Variants in C1RL observed in about 807,000 individuals in gnomAD.
The protein encoded by C1RL is complement C1r subcomponent like.
Under a neutral mutation model 27.9 loss-of-function variants are expected in C1RL, and 27 were observed. The observed-to-expected ratio is 0.97, with a 90% CI of 0.71 to 1.33. The LOEUF is 1.33. Among genes scored for constraint, C1RL ranks in the 40% most tolerant of loss-of-function variants. The pLI, the probability that C1RL is intolerant of heterozygous loss-of-function variation, is 0.00. For missense variants in C1RL, 563 were observed against 623.9 expected (o/e 0.90, Z 1.04); for synonymous variants, 248 against 252.1 (o/e 0.98, Z 0.15).
rs1398997201 is a variant in C1RL, at chr12:7,095,149, G to A, written c.*1242C>T. 9 of 1,232,766 alleles carry A rather than the reference G, an allele frequency of 7.3e-6. No individual in the cohort carries two copies. The East Asian group carries it at 5.8e-4, about 79-fold the overall frequency. The allele number at this position is 1,232,766 out of a possible 1,614,324, so 76.4% of individuals were successfully genotyped here. On this transcript the variant is annotated 3_prime_UTR_variant, in exon 6 of 6. Coordinates refer to ENST00000266542, the MANE Select transcript of C1RL (RefSeq NM_016546.4). ...TTTTTTTGGGGGGGATGAAGTCTTG[G>A]TCTGTCCGCAGGCTGGAGTGCAGTG...
chr12:7,095,603 A>G lies in C1RL; in HGVS notation c.*788T>C, dbSNP rs1448464350. The G allele has an allele frequency of 2.0e-6, 2 of 985,832 alleles. No homozygotes were observed. The highest frequency in any genetic ancestry group is 6.1e-5 in the Admixed American group (1 of 16,294). 61.1% of individuals were successfully genotyped at this position (985,832 alleles called of 1,614,324 possible). The stretch of plus-strand genomic sequence containing the variant: ...GGATACCATTTTCGCAGAAGCAGGA[A>G]TTCCCAGGGAGGGAAAATGGTAAGG... On this transcript the variant is annotated 3_prime_UTR_variant, in exon 6 of 6. Transcript: ENST00000266542.
chr12:7,108,736 T>C (rs970785511), intron 1 of C1RL: 11 of 567,322 alleles, frequency 1.9e-5, no homozygotes, highest in Admixed American at 3.3e-5. Flanking sequence ...TCACCTTTGC[T>C]CATCTCCCAG....
intron 1 of C1RL, chr12:7,108,837 G>C: frequency 1.8e-6 from 1 of 556,502 alleles, no homozygotes; most frequent in Non-Finnish European, 3.2e-6. Context: ...GGGCGAGTGA[G>C]GGTCTGCCGT....
chr12:7,101,871 C>T (rs770347813), intron 3 of C1RL, 27 bp downstream of exon 3: 2 of 1,610,996 alleles, frequency 1.2e-6, no homozygotes, highest in East Asian at 2.2e-5. Flanking sequence ...GAGGCTCCCT[C>T]CCTGCACCCC....
At chr12:7,108,623 G>A in intron 1 of C1RL, 144 bp from the exon 2 acceptor site, 3 of 634,188 alleles carry the variant, frequency 4.7e-6, no homozygotes, top group Non-Finnish European at 5.4e-6. Context: ...TGAGGCCCGG[G>A]CACTTCCCGT....
At position 7,099,955 on chromosome 12, in the gene C1RL, G is replaced by C. The variant is rs746832090; in HGVS notation, c.562C>G (p.Pro188Ala). The change falls in exon 4 of 6, where the codon CCT becomes GCT. Residue 188 changes from proline (P) to alanine (A), a missense_variant. By Grantham distance (27) the Pro-to-Ala change is conservative. Transcript: ENST00000266542. The part of the protein sequence containing the change: ...SEAINAPGDN[P>A]AKVQNHCQEP... ...TGGCAGTGGTTCTGGACCTTGGCAG[G>C]GTTGTCTCCAGGTGCGTTGATGGCC... 1.2e-6 allele frequency: 2 copies of C among 1,613,908 alleles called. No individual in the cohort carries two copies. Among genetic ancestry groups the C allele is most frequent in the South Asian group, 1.1e-5 (1 of 91,066 alleles).
At chr12:7,102,574 G>A (rs744141) in intron 2 of C1RL, among the ~76,000 whole-genome samples, 1 of 151,966 alleles carries the variant, frequency 6.6e-6, no homozygotes, top group Non-Finnish European at 1.5e-5. Flanking sequence ...TTCCACTTCT[G>A]TGAGTAACTT....
chr12:7,102,217 A>G (rs1374592033), intron 2 of C1RL, 130 bp from the exon 3 acceptor site: 1 of 869,282 alleles, frequency 1.2e-6, no homozygotes, highest in African/African-American at 1.7e-5. Flanking sequence ...GGGGCTCAGA[A>G]GGCACCTCAC....
Position 7,096,869 on chromosome 12 carries a change from CG to C in C1RL, c.985del (p.Arg329ValfsTer57), listed in dbSNP as rs1938451551. The C allele has an allele frequency of 6.3e-7, 1 of 1,599,544 alleles. No individual in the cohort carries two copies. The highest frequency in any genetic ancestry group is 1.3e-5 in the African/African-American group (1 of 74,794). Reference sequence around the variant, plus strand: ...GCTAAAGTTATGGGACTCATTCTGACGGTAGTCGGGGTGCACAACGACACGG... The same window carrying C: ...GCTAAAGTTATGGGACTCATTCTGACGTAGTCGGGGTGCACAACGACACGG... ...VHRVVVHPDY[R>X]QNESHNFSGD... On this transcript the variant is annotated frameshift_variant, in exon 6 of 6. Transcript: ENST00000266542. LOFTEE classifies it low-confidence loss of function (END_TRUNC).
At chr12:7,097,606 C>A (rs1281012983) in intron 5 of C1RL, among the ~76,000 whole-genome samples, 1 of 152,118 alleles carries the variant, frequency 6.6e-6, no homozygotes, top group African/African-American at 2.4e-5. Context: ...TATACTGATG[C>A]AGACCCACGG....
intron 5 of C1RL, chr12:7,099,454 A>G (rs1938547632): frequency 1.0e-6 from 1 of 984,478 alleles, no homozygotes; most frequent in Non-Finnish European, 1.2e-6. Context: ...TTTCTAGTCC[A>G]TCTCATGAAC....
rs762064273 is a variant in C1RL at position 7,099,440 on chromosome 12, T to C, written c.691+246A>G. 22 of 984,160 alleles carry C rather than the reference T, an allele frequency of 2.2e-5. No homozygotes were observed. The Admixed American group carries it at 1.2e-3, about 52-fold the overall frequency. 61.0% of individuals were successfully genotyped at this position (984,160 alleles called of 1,614,324 possible). On this transcript the variant is annotated intron_variant, in intron 5 of 5. Transcript: ENST00000266542. ...ACTTCAGCTTGTTGGTCTCTCTTCCTCCTTTTCTAGTCCATCTCATGAACG... is the reference window on the plus strand; with the variant it reads ...ACTTCAGCTTGTTGGTCTCTCTTCCCCCTTTTCTAGTCCATCTCATGAACG...
intron 2 of C1RL, among the ~76,000 whole-genome samples, 178 bp from the exon 3 acceptor site, chr12:7,102,265 C>T (rs964744759): frequency 8.5e-5 from 13 of 152,192 alleles, no homozygotes; most frequent in South Asian, 2.1e-4. Flanking sequence ...CCATTATTGA[C>T]GCCTGAGTTT....
rs1483163807 is a variant in C1RL, at chr12:7,104,316, G to A, written c.301-2229C>T. ...TCTGGCCCACCCTGGCAGAAGGCAT[G>A]AGCTTAACAAGAAACCCTGGACTTG... On this transcript the variant is annotated intron_variant, in intron 2 of 5. Transcript: ENST00000266542. The surrounding 1 kb of genome is among the most constrained non-coding windows in gnomAD (Gnocchi z 5.4). Among the ~76,000 whole-genome samples, 1 of 152,216 alleles carries A rather than the reference G, an allele frequency of 6.6e-6. No homozygotes were observed. The highest frequency in any genetic ancestry group is 1.9e-4 in the East Asian group (1 of 5,204).
Position 7,109,151 on chromosome 12 carries a change from A to T in C1RL, c.30T>A (p.Tyr10Ter). MPGPRVWGK[Y>*]LWRSPHSKGC... ...CTTTGGAGTGAGGGCTTCTCCAGAGATATTTCCCCCACACTCTGGGTCCAG... is the reference window on the plus strand; with the variant it reads ...CTTTGGAGTGAGGGCTTCTCCAGAGTTATTTCCCCCACACTCTGGGTCCAG... Residue 10 changes from tyrosine to a stop codon, truncating the protein, a stop_gained, in exon 1 of 6, where the codon TAT becomes TAA. Transcript: ENST00000266542. LOFTEE classifies it high-confidence loss of function. 1 of 1,602,144 alleles carries T rather than the reference A, an allele frequency of 6.2e-7. No homozygotes were observed. Among genetic ancestry groups the T allele is most frequent in the Non-Finnish European group, 8.5e-7 (1 of 1,173,990 alleles).
rs777553132 is a variant in C1RL at position 7,101,970 on chromosome 12, G to A, written c.418C>T (p.Arg140Cys). The change falls in exon 3 of 6, where the codon CGC becomes TGC. Residue 140 changes from arginine (R) to cysteine (C), a missense_variant. Arg to Cys is a radical substitution (Grantham distance 180). Coordinates refer to ENST00000266542, the MANE Select transcript of C1RL (RefSeq NM_016546.4). ...TTGTTCTCCGAGGAAGGCTGTGTGCGGAAGGTCAGCCGCAAACTCCTCCCT... is the reference window on the plus strand; with the variant it reads ...TTGTTCTCCGAGGAAGGCTGTGTGCAGAAGGTCAGCCGCAAACTCCTCCCT... ...SSGRSLRLTF[R>C]TQPSSENKTA... is the part of the protein sequence containing the mutation. 11 of 1,614,100 alleles carry A rather than the reference G, an allele frequency of 6.8e-6. No homozygotes were observed. The highest frequency in any genetic ancestry group is 4.0e-5 in the African/African-American group (3 of 74,942).
intron 3 of C1RL, 130 bp from the exon 4 acceptor site, chr12:7,100,156 A>C (rs1174964184): frequency 1.0e-6 from 1 of 955,002 alleles, no homozygotes; most frequent in Non-Finnish European, 1.5e-6. Context: ...AAAACATTTG[A>C]GTTCGTTTTC....
chr12:7,108,443 G>A lies in C1RL; in HGVS notation c.108C>T (p.Cys36=), dbSNP rs1481508734. The A allele has an allele frequency of 8.7e-6, 14 of 1,610,814 alleles. No individual in the cohort carries two copies. The highest frequency in any genetic ancestry group is 5.9e-6 in the Non-Finnish European group (7 of 1,178,136). The change falls in exon 2 of 6, where the codon TGC becomes TGT. Residue 36 remains cysteine, a synonymous_variant. Coordinates refer to ENST00000266542, the MANE Select transcript of C1RL (RefSeq NM_016546.4). The part of the protein sequence containing the change: ...WLLLWGVLQA[C]PTRGSVLLAQ... The stretch of plus-strand genomic sequence containing the variant: ...CCAAGAGGACGGAGCCCCGGGTTGG[G>A]CAAGCCTGGAGGACTCCCCAGAGAA...
At chr12:7,103,103 T>C (rs1591599286) in intron 2 of C1RL, among the ~76,000 whole-genome samples, 2 of 152,316 alleles carry the variant, frequency 1.3e-5, no homozygotes, top group Admixed American at 1.3e-4. Flanking sequence ...AAATACCTGG[T>C]TCAGACAAAT....
Sources: gnomAD v4.1 joint callset for allele counts (sites outside exome capture counted in the v4.1 genomes callset) on GRCh38, gnomAD v4.1.1 for gene constraint, Gnocchi (gnomAD v3.1) non-coding constraint, MANE v1.5 for transcripts, NCBI Gene and HGNC (gene_info 2026-07-23, HGNC 2026-07-21) for gene names.